EPS15L1: variants seen among roughly 807,000 people sequenced by gnomAD.
EPS15L1 encodes epidermal growth factor receptor substrate 15-like 1.
Under a neutral mutation model 117.1 loss-of-function variants are expected in EPS15L1, and 43 were observed. The observed-to-expected ratio is 0.37, with a 90% CI of 0.29 to 0.47. EPS15L1 has a LOEUF of 0.47. EPS15L1 is among the 20% of genes least tolerant of loss of function. EPS15L1 has a pLI of 0.99. For synonymous variants in EPS15L1, 459 were observed against 470.5 expected, an observed-to-expected ratio of 0.98 and a Z score of 0.32; for missense variants, 981 against 1,164.0, an observed-to-expected ratio of 0.84 and a Z score of 2.29.
chr19:16,428,944 C>G (rs1446578230), intron 7 of EPS15L1, among the ~76,000 whole-genome samples, 183 bp from the exon 8 acceptor site: 1 of 152,152 alleles, frequency 6.6e-6, no homozygotes, highest in Non-Finnish European at 1.5e-5. Context: ...GTACTGTCAA[C>G]TACCAGATCT....
rs1356341675 is a variant in EPS15L1, at chr19:16,381,856, G to A, written c.2247+3273C>T. Among the ~76,000 whole-genome samples, 6 of 152,258 alleles carry A rather than the reference G, an allele frequency of 3.9e-5. No individual in the cohort carries two copies. The highest frequency in any genetic ancestry group is 8.8e-5 in the Non-Finnish European group (6 of 68,044). On this transcript the variant is annotated intron_variant, in intron 21 of 23. Coordinates refer to ENST00000455140, the MANE Select transcript of EPS15L1 (RefSeq NM_001258374.3). This position sits in a 1 kb window ranked among gnomAD's most constrained non-coding sequence, Gnocchi z 4.2. Reference sequence around the variant, plus strand: ...CGAGTCCCCCGCGGCCTGGGATGGGGAGCCAAGCAGGTCTAGATGGGAAGT... The same window carrying A: ...CGAGTCCCCCGCGGCCTGGGATGGGAAGCCAAGCAGGTCTAGATGGGAAGT...
chr19:16,408,252 C>T lies in EPS15L1; in HGVS notation c.1267-3503G>A, dbSNP rs149367823. On this transcript the variant is annotated intron_variant, in intron 13 of 23. Transcript: ENST00000455140. ...GAGCAAAAAGAAGACAAAAATAACCCCAACAGTCCACGGAGTCCACACAAT... is the reference window on the plus strand; with the variant it reads ...GAGCAAAAAGAAGACAAAAATAACCTCAACAGTCCACGGAGTCCACACAAT... Among the ~76,000 whole-genome samples the T allele has an allele frequency of 3.9e-3, 595 of 152,140 alleles. 4 individuals are homozygous for T. The highest frequency in any genetic ancestry group is 0.014 in the African/African-American group (572 of 41,494).
chr19:16,414,406 C>CT (rs891390673), intron 12 of EPS15L1, among the ~76,000 whole-genome samples: 83 of 147,438 alleles, frequency 5.6e-4, no homozygotes, highest in Middle Eastern at 3.5e-3. Flanking sequence ...TGAACTACTA[C>CT]TTTTTTTTTT....
intron 1 of EPS15L1, among the ~76,000 whole-genome samples, chr19:16,454,837 A>T (rs1229428520): frequency 1.3e-5 from 2 of 149,756 alleles, no homozygotes; most frequent in African/African-American, 4.9e-5. Context: ...TTTTTTTAAG[A>T]GACAGCTCTG....
intron 10 of EPS15L1, among the ~76,000 whole-genome samples, chr19:16,418,834 C>G (rs554174589): frequency 6.6e-6 from 1 of 152,262 alleles, no homozygotes; most frequent in South Asian, 2.1e-4. Flanking sequence ...CGTCTACAAA[C>G]TAGGCAGTGA....
rs368246957 is a variant in EPS15L1, at chr19:16,467,430, G to A, written c.33+4483C>T. On this transcript the variant is annotated intron_variant, in intron 1 of 23. Coordinates refer to ENST00000455140, the MANE Select transcript of EPS15L1 (RefSeq NM_001258374.3). ...CTCCCAAAGTGCTAGGATTACAGGC[G>A]TCAGCCACTGCACCCGGCCTGGAAA... Among the ~76,000 whole-genome samples, 11 of 152,050 alleles carry A rather than the reference G, an allele frequency of 7.2e-5. No individual in the cohort carries two copies. In the East Asian group the frequency reaches 1.7e-3, roughly 24 times the overall value.
intron 1 of EPS15L1, among the ~76,000 whole-genome samples, chr19:16,446,314 G>A (rs772257260): frequency 6.6e-6 from 1 of 152,160 alleles, no homozygotes; most frequent in Non-Finnish European, 1.5e-5. Flanking sequence ...CCGAGGGCAG[G>A]ACGCCTCCTA....
chr19:16,428,577 GGAAAAGAAAA>G (rs567923417), intron 8 of EPS15L1, 115 bp downstream of exon 8: 282 of 671,074 alleles, frequency 4.2e-4, no homozygotes, highest in African/African-American at 3.0e-3. Context: ...GAAAAGGAAA[GGAAAAGAAAA>G]GAAAAGAAAA....
chr19:16,469,683 G>T (rs556076783), intron 1 of EPS15L1, among the ~76,000 whole-genome samples: 1 of 152,224 alleles, frequency 6.6e-6, no homozygotes, highest in East Asian at 1.9e-4. Flanking sequence ...GTGCAGACAG[G>T]AGTGGGGGTG....
intron 7 of EPS15L1, among the ~76,000 whole-genome samples, 172 bp downstream of exon 7, chr19:16,434,193 G>T (rs2092956813): frequency 6.6e-6 from 1 of 152,172 alleles, no homozygotes; most frequent in African/African-American, 2.4e-5. Context: ...CACACCCTAG[G>T]AAGCCCTGAG....
intron 1 of EPS15L1, among the ~76,000 whole-genome samples, chr19:16,445,402 T>C (rs981830615): frequency 7.9e-5 from 12 of 152,088 alleles, no homozygotes; most frequent in Non-Finnish European, 1.5e-4. Context: ...ACAATGACAG[T>C]GGTCAGAGGT....
Position 16,365,355 on chromosome 19 carries a change from G to A in EPS15L1, c.2381-3371C>T, listed in dbSNP as rs796298423. ...TTTAAAGGGGTAACTGAGTTAAAACGAAGTCAAAGGATCAATGACTGTCTT... is the reference window on the plus strand; with the variant it reads ...TTTAAAGGGGTAACTGAGTTAAAACAAAGTCAAAGGATCAATGACTGTCTT... On this transcript the variant is annotated intron_variant, in intron 22 of 23. Transcript: ENST00000455140. This position sits in a 1 kb window ranked among gnomAD's most constrained non-coding sequence, Gnocchi z 4.9. Among the ~76,000 whole-genome samples the A allele has an allele frequency of 2.0e-5, 3 of 152,192 alleles. No homozygotes were observed. The highest frequency in any genetic ancestry group is 4.8e-5 in the African/African-American group (2 of 41,436).
At chr19:16,442,523 A>C (rs2093042583) in intron 1 of EPS15L1, among the ~76,000 whole-genome samples, 1 of 152,206 alleles carries the variant, frequency 6.6e-6, no homozygotes, top group Non-Finnish European at 1.5e-5. Context: ...CACTGAGCAA[A>C]GGGATTTCAG....
At chr19:16,443,801 T>C (rs1017214512) in intron 1 of EPS15L1, among the ~76,000 whole-genome samples, 5 of 151,592 alleles carry the variant, frequency 3.3e-5, no homozygotes, top group Non-Finnish European at 5.9e-5. Flanking sequence ...GAAGTGAAAG[T>C]TGTAATCCCA....
intron 1 of EPS15L1, among the ~76,000 whole-genome samples, chr19:16,467,585 G>A (rs2093316036): frequency 6.6e-6 from 1 of 152,086 alleles, no homozygotes; most frequent in South Asian, 2.1e-4. Flanking sequence ...GACAGTCAGG[G>A]AATTCTGGAT....
At chr19:16,453,699 C>T (rs1599676104) in intron 1 of EPS15L1, among the ~76,000 whole-genome samples, 2 of 151,358 alleles carry the variant, frequency 1.3e-5, no homozygotes, top group East Asian at 3.9e-4. Flanking sequence ...GGCGACAGAG[C>T]GAGACTCCAT....
In EPS15L1 at chr19:16,425,152, G is replaced by C. The variant is rs377039306; in HGVS notation, c.723C>G (p.Ser241=). 6.2e-7 allele frequency: 1 copy of C among 1,613,996 alleles called. No individual in the cohort carries two copies. The highest frequency in any genetic ancestry group is 1.3e-5 in the African/African-American group (1 of 74,938). ...PPKDSLRSTP[S]HGSVSSLNST... is the part of the protein sequence containing the mutation. The stretch of plus-strand genomic sequence containing the variant: ...TGTTGAGGCTGCTGACGCTGCCGTG[G>C]GACGGCGTGGAGCGGAGGCTGTCTT... The change falls in exon 9 of 24, where the codon TCC becomes TCG. Residue 241 remains serine (S), a synonymous_variant. Transcript: ENST00000455140.
intron 5 of EPS15L1, 81 bp from the exon 6 acceptor site, chr19:16,437,080 G>A (rs1171528552): frequency 1.6e-5 from 19 of 1,216,122 alleles, no homozygotes; most frequent in South Asian, 3.8e-5. Flanking sequence ...AAGGATACAC[G>A]TTTCAAAGTG....
Position 16,381,385 on chromosome 19 carries a change from G to A in EPS15L1, c.2247+3744C>T, listed in dbSNP as rs1400104117. On this transcript the variant is annotated intron_variant, in intron 21 of 23. Coordinates refer to ENST00000455140, the MANE Select transcript of EPS15L1 (RefSeq NM_001258374.3). This position sits in a 1 kb window ranked among gnomAD's most constrained non-coding sequence, Gnocchi z 4.2. ...TCAGCTGCCGAGGGCCACCCCAGTG[G>A]TGGGTCCAGGGCCTCGTCCTGGGCA... is the stretch of plus-strand genomic sequence containing the variant. Among the ~76,000 whole-genome samples the A allele has an allele frequency of 6.6e-6, 1 of 152,226 alleles. No individual in the cohort carries two copies. Among genetic ancestry groups the A allele is most frequent in the Non-Finnish European group, 1.5e-5 (1 of 68,026 alleles).
Sources: gnomAD v4.1 joint callset for allele counts (sites outside exome capture counted in the v4.1 genomes callset) on GRCh38, gnomAD v4.1.1 for gene constraint, Gnocchi (gnomAD v3.1) non-coding constraint, MANE v1.5 for transcripts, NCBI Gene and HGNC (gene_info 2026-07-23, HGNC 2026-07-21) for gene names.